HSPBAP1: variants seen among roughly 807,000 people sequenced by gnomAD.
HSPBAP1 encodes the protein HSPB1-associated protein 1.
A neutral mutation model predicts 45.2 loss-of-function variants in HSPBAP1; 27 were observed. That is an observed-to-expected ratio of 0.60 (90% CI 0.44 to 0.82). The LOEUF (loss-of-function observed/expected upper bound fraction) is 0.82, where lower values mean the gene tolerates loss of function less well. Ranked by LOEUF, HSPBAP1 falls within the 40% of genes least tolerant of loss-of-function variation. The probability of loss-of-function intolerance (pLI) is 0.00; values close to 1 mark genes in which losing one functional copy is unlikely to be tolerated. For synonymous variants in HSPBAP1, 204 were observed against 202.7 expected, an observed-to-expected ratio of 1.01 and a Z score of -0.06; for missense variants, 510 against 590.9, an observed-to-expected ratio of 0.86 and a Z score of 1.42.
chr3:122,743,593 T>C (rs142093828), intron 6 of HSPBAP1, among the ~76,000 whole-genome samples: 4,913 of 151,878 alleles, frequency 0.032, 109 homozygotes, highest in Middle Eastern at 0.072. Context: ...AGTTTTTGTG[T>C]GGACATATAT....
chr3:122,767,782 G>GA (rs1934840047), intron 3 of HSPBAP1, among the ~76,000 whole-genome samples: 1 of 152,124 alleles, frequency 6.6e-6, no homozygotes, highest in Non-Finnish European at 1.5e-5. Flanking sequence ...ACACTGAATG[G>GA]AAAATTACTG....
intron 1 of HSPBAP1, among the ~76,000 whole-genome samples, chr3:122,791,069 T>C (rs1176078850): frequency 2.0e-5 from 3 of 151,984 alleles, no homozygotes; most frequent in Admixed American, 6.6e-5. Context: ...GATACTATGC[T>C]AGATAATCTA....
Position 122,780,516 on chromosome 3 carries a change from C to G in HSPBAP1, c.65-2610G>C, listed in dbSNP as rs1316459922. ...GCTGGCCGGGCGGGGGCTGACCCCC[C>G]CACCTCCCTCCCGGACGGGGCGGCT... On this transcript the variant is annotated intron_variant, in intron 1 of 7. Coordinates refer to ENST00000306103, the MANE Select transcript of HSPBAP1 (RefSeq NM_024610.6). Among the ~76,000 whole-genome samples the G allele has an allele frequency of 3.2e-3, 438 of 136,902 alleles. 40 individuals carry two copies. The highest frequency in any genetic ancestry group is 0.011 in the African/African-American group (358 of 32,766). 89.8% of individuals were successfully genotyped at this position (136,902 alleles called of 152,430 possible).
chr3:122,756,851 G>A (rs1465844532), intron 4 of HSPBAP1, among the ~76,000 whole-genome samples: 2 of 152,156 alleles, frequency 1.3e-5, no homozygotes, highest in African/African-American at 2.4e-5. Context: ...CCATTCCACT[G>A]TATGATTAGT....
intron 3 of HSPBAP1, among the ~76,000 whole-genome samples, chr3:122,763,407 C>G (rs77452525): frequency 6.6e-6 from 1 of 151,628 alleles, no homozygotes; most frequent in Non-Finnish European, 1.5e-5. Context: ...AAACTGTTCA[C>G]GTTAAATATA....
chr3:122,773,341 A>G (rs1935074965), intron 2 of HSPBAP1, among the ~76,000 whole-genome samples: 1 of 118,126 alleles, frequency 8.5e-6, no homozygotes, highest in African/African-American at 3.4e-5. Context: ...ACAGAGTCTC[A>G]CTCTGTGGCC....
intron 2 of HSPBAP1, among the ~76,000 whole-genome samples, chr3:122,769,773 G>A (rs1318385922): frequency 2.0e-5 from 3 of 152,198 alleles, no homozygotes; most frequent in Admixed American, 6.5e-5. Context: ...TCTGCCTCCC[G>A]AGTTCAAGCA....
chr3:122,773,505 C>T (rs765724236), intron 2 of HSPBAP1, among the ~76,000 whole-genome samples: 11 of 151,778 alleles, frequency 7.2e-5, no homozygotes, highest in African/African-American at 1.7e-4. Flanking sequence ...TTAGCAGAGA[C>T]GGGGTTTTGC....
At chr3:122,779,091 G>T (rs563356541) in intron 1 of HSPBAP1, among the ~76,000 whole-genome samples, 1 of 151,314 alleles carries the variant, frequency 6.6e-6, no homozygotes, top group East Asian at 1.9e-4. Flanking sequence ...TGCCCAGGCT[G>T]GAGTGCAGTG....
Position 122,777,900 on chromosome 3 carries a change from T to A in HSPBAP1, c.71A>T (p.His24Leu). Residue 24 changes from histidine (H) to leucine (L), a missense_variant, in exon 2 of 8, where the codon CAT (histidine) becomes CTT (leucine). Coordinates refer to ENST00000306103, the MANE Select transcript of HSPBAP1 (RefSeq NM_024610.6). ...TTTCTCTGGCTTAAAAGGTTTGACA[T>A]GTTCACCTAGAAAGAGAAATGAATA... ...AAGAGGEEGE[H>L]VKPFKPEKAK... 1 of 1,610,172 alleles carries A rather than the reference T, an allele frequency of 6.2e-7. No individual in the cohort carries two copies. Among genetic ancestry groups the A allele is most frequent in the Non-Finnish European group, 8.5e-7 (1 of 1,176,992 alleles).
At chr3:122,767,085 A>G (rs1344726743) in intron 3 of HSPBAP1, among the ~76,000 whole-genome samples, 13 of 152,266 alleles carry the variant, frequency 8.5e-5, no homozygotes, top group Admixed American at 8.5e-4. Context: ...AGTGATCACA[A>G]TTAAGGTTGT....
At chr3:122,777,329 C>A (rs1935219542) in intron 2 of HSPBAP1, among the ~76,000 whole-genome samples, 1 of 152,104 alleles carries the variant, frequency 6.6e-6, no homozygotes, top group Admixed American at 6.5e-5. Flanking sequence ...ACACATTCTA[C>A]TTGAGTAAAA....
Position 122,793,661 on chromosome 3 carries a change from G to T in HSPBAP1, c.20C>A (p.Ala7Glu), listed in dbSNP as rs1935910299. The change falls in exon 1 of 8, where the codon GCG becomes GAG. Residue 7 changes from alanine (A) to glutamate (E), a missense_variant. By Grantham distance (107) the Ala-to-Glu change is moderately radical (BLOSUM62 -1). Coordinates refer to ENST00000306103, the MANE Select transcript of HSPBAP1 (RefSeq NM_024610.6). ...AGCCGCAACGATCACAGGAGTGGTC[G>T]CCTCGGAGCCTGCTGCCATGGCTAC... MAAGSE[A>E]TTPVIVAAGA... 6.2e-7 allele frequency: 1 copy of T among 1,613,698 alleles called. No individual in the cohort carries two copies. Among genetic ancestry groups the T allele is most frequent in the South Asian group, 1.1e-5 (1 of 91,080 alleles).
chr3:122,749,993 T>TG (rs34570724), intron 6 of HSPBAP1, among the ~76,000 whole-genome samples: 3 of 151,372 alleles, frequency 2.0e-5, no homozygotes, highest in African/African-American at 4.8e-5. Context: ...TTTTTTTTTT[T>TG]GAGACAGAGA....
chr3:122,756,284 A>C (rs1018845024), intron 4 of HSPBAP1, among the ~76,000 whole-genome samples: 1 of 152,230 alleles, frequency 6.6e-6, no homozygotes, highest in Non-Finnish European at 1.5e-5. Context: ...CAGAACCAAG[A>C]AACAGCGGCT....
rs780591244 is a variant in HSPBAP1 at position 122,740,363 on chromosome 3, T to G, written c.1449A>C (p.Ile483=). The G allele has an allele frequency of 6.2e-7, 1 of 1,602,264 alleles. No homozygotes were observed. The highest frequency in any genetic ancestry group is 2.2e-5 in the East Asian group (1 of 44,620). The change falls in exon 8 of 8, where the codon ATA becomes ATC. Residue 483 remains isoleucine, a synonymous_variant. Transcript: ENST00000306103. ...QVTRIVAQLL[I]QGRSL is the part of the protein sequence containing the mutation. The stretch of plus-strand genomic sequence containing the variant: ...ACTTGAATCATAAACTTCTTCCTTG[T>G]ATCAAAAGTTGTGCCACTATCCTGG...
chr3:122,791,691 GT>G (rs1935835249), intron 1 of HSPBAP1, among the ~76,000 whole-genome samples: 1 of 152,182 alleles, frequency 6.6e-6, no homozygotes. Flanking sequence ...GTCTCAGGTG[GT>G]GACATACTTT....
chr3:122,791,247 C>T (rs1032885737), intron 1 of HSPBAP1, among the ~76,000 whole-genome samples: 2 of 152,240 alleles, frequency 1.3e-5, no homozygotes, highest in Non-Finnish European at 2.9e-5. Flanking sequence ...TTATTTCCCT[C>T]ACCTAAAGCT....
chr3:122,746,684 G>C (rs1029572172), intron 6 of HSPBAP1, among the ~76,000 whole-genome samples: 1 of 150,346 alleles, frequency 6.7e-6, no homozygotes, highest in Admixed American at 6.6e-5. Flanking sequence ...CTCTTTCCAC[G>C]GTCTCCCTCT....
Sources: allele counts gnomAD v4.1 joint callset (sites outside exome capture counted in the v4.1 genomes callset), GRCh38; gene constraint gnomAD v4.1.1; transcripts MANE v1.5; gene names NCBI Gene and HGNC (gene_info 2026-07-23, HGNC 2026-07-21).